Variants in P3H2 observed in about 807,000 individuals in gnomAD.
The protein encoded by P3H2 is leprecan-like 1.
Under a neutral mutation model 87.0 loss-of-function variants are expected in P3H2, and 80 were observed. That is an observed-to-expected ratio of 0.92 (90% CI 0.77 to 1.11). The LOEUF (loss-of-function observed/expected upper bound fraction) is 1.11. Ranked by LOEUF, P3H2 falls within the 50% of genes least tolerant of loss-of-function variation. P3H2 has a pLI of 0.00. For missense variants in P3H2, 1,001 were observed against 923.9 expected, an observed-to-expected ratio of 1.08 and a Z score of -1.08; for synonymous variants, 367 against 359.3, an observed-to-expected ratio of 1.02 and a Z score of -0.24.
At chr3:189,961,985 T>C (rs1444738919) in intron 14 of P3H2, among the ~76,000 whole-genome samples, 2 of 152,090 alleles carry the variant, frequency 1.3e-5, no homozygotes, top group East Asian at 1.9e-4. Flanking sequence ...CCCATTGACA[T>C]AGGTTCCTTA....
intron 1 of P3H2, among the ~76,000 whole-genome samples, chr3:190,007,781 A>G (rs748547968): frequency 6.7e-6 from 1 of 149,144 alleles, no homozygotes; most frequent in African/African-American, 2.5e-5. Flanking sequence ...TAAGAGTTAA[A>G]CACATTTCTT....
chr3:190,011,289 T>TA (rs1372536408), intron 1 of P3H2, among the ~76,000 whole-genome samples: 90 of 141,578 alleles, frequency 6.4e-4, no homozygotes, highest in African/African-American at 2.2e-3. Flanking sequence ...AAAAAAAAAA[T>TA]AGAGTTTCAT....
Position 190,074,209 on chromosome 3 carries a change from C to T in P3H2, c.480+46043G>A, listed in dbSNP as rs563560436. Reference sequence around the variant, plus strand: ...TATTCCAAAAATTGTGAATTTAAATCTAGAATACTATGATTCTTGGCCAGG... The same window carrying T: ...TATTCCAAAAATTGTGAATTTAAATTTAGAATACTATGATTCTTGGCCAGG... On this transcript the variant is annotated intron_variant, in intron 1 of 14. Coordinates refer to ENST00000319332, the MANE Select transcript of P3H2 (RefSeq NM_018192.4). 3.3e-5 allele frequency among the ~76,000 whole-genome samples: 5 copies of T among 152,236 alleles called. No homozygotes were observed. The South Asian group carries it at 6.2e-4, about 19-fold the overall frequency.
intron 1 of P3H2, among the ~76,000 whole-genome samples, chr3:190,064,449 G>A (rs539368022): frequency 8.5e-5 from 13 of 152,068 alleles, no homozygotes; most frequent in South Asian, 4.2e-4. Context: ...ATCTCATCAC[G>A]GTATGACTCT....
intron 1 of P3H2, among the ~76,000 whole-genome samples, chr3:190,078,641 T>C (rs150420928): frequency 1.5e-3 from 226 of 152,306 alleles, no homozygotes; most frequent in African/African-American, 5.1e-3. Context: ...GCATATATAT[T>C]CACAAACTGG....
intron 1 of P3H2, among the ~76,000 whole-genome samples, chr3:190,104,192 A>C (rs1036682004): frequency 1.3e-5 from 2 of 152,176 alleles, no homozygotes; most frequent in African/African-American, 4.8e-5. Flanking sequence ...TCATTCAAAG[A>C]TCATTTAGAA....
chr3:189,995,345 G>A lies in P3H2; in HGVS notation c.578C>T (p.Ala193Val), dbSNP rs780816013. ...CTGCAATGCTTCAACACCAGCTGTCGCCCTGTAATTCTCAATGTTCTGCTG... is the reference window on the plus strand; with the variant it reads ...CTGCAATGCTTCAACACCAGCTGTCACCCTGTAATTCTCAATGTTCTGCTG... Reference protein sequence around the residue: ...EMQQNIENYRATAGVEALQLV... With the variant: ...EMQQNIENYRVTAGVEALQLV... The change falls in exon 2 of 15, where the codon GCG becomes GTG. Residue 193 changes from alanine (A) to valine (V), a missense_variant. By Grantham distance (64) the Ala-to-Val change is moderately conservative (BLOSUM62 0). Coordinates refer to ENST00000319332, the MANE Select transcript of P3H2 (RefSeq NM_018192.4). 21 of 1,613,912 alleles carry A rather than the reference G, an allele frequency of 1.3e-5. No homozygotes were observed. The highest frequency in any genetic ancestry group is 3.3e-5 in the South Asian group (3 of 91,082).
chr3:190,051,778 C>A (rs1044697709), intron 1 of P3H2, among the ~76,000 whole-genome samples: 67 of 152,190 alleles, frequency 4.4e-4, no homozygotes, highest in Admixed American at 4.2e-3. Flanking sequence ...GGGTTAGGAT[C>A]CCCCAAGAAA....
chr3:190,019,516 T>C (rs971574368), intron 1 of P3H2, among the ~76,000 whole-genome samples: 4 of 152,146 alleles, frequency 2.6e-5, no homozygotes, highest in Non-Finnish European at 4.4e-5. Flanking sequence ...TGGATGCTGA[T>C]GACTGTCCCT....
intron 1 of P3H2, among the ~76,000 whole-genome samples, chr3:190,023,165 G>A (rs113519632): frequency 7.7e-4 from 118 of 152,278 alleles, no homozygotes; most frequent in African/African-American, 2.8e-3. Context: ...CCCAGGTGAA[G>A]CTGGTGCTGC....
At chr3:189,997,506 A>G (rs710563) in intron 1 of P3H2, among the ~76,000 whole-genome samples, 71,104 of 152,032 alleles carry the variant, frequency 0.47, 16,665 homozygotes, top group Admixed American at 0.48. Flanking sequence ...CTCAATTATT[A>G]AAAACTAGAA....
chr3:190,111,842 T>A (rs1230515999), intron 1 of P3H2, among the ~76,000 whole-genome samples: 1 of 152,174 alleles, frequency 6.6e-6, no homozygotes. Flanking sequence ...AGCCTCAATG[T>A]CACAATCACA....
intron 1 of P3H2, among the ~76,000 whole-genome samples, chr3:190,013,819 T>TA (rs1361981066): frequency 6.6e-6 from 1 of 152,152 alleles, no homozygotes; most frequent in South Asian, 2.1e-4. Flanking sequence ...GAAAATCAAT[T>TA]AAGATGTAAT....
In P3H2 at chr3:190,098,033, T is replaced by C. The variant is rs573706872; in HGVS notation, c.480+22219A>G. Among the ~76,000 whole-genome samples the C allele has an allele frequency of 3.0e-4, 46 of 152,212 alleles. 1 individual carries two copies. The highest frequency in any genetic ancestry group is 2.4e-3 in the Admixed American group (36 of 15,288). On this transcript the variant is annotated intron_variant, in intron 1 of 14. Transcript: ENST00000319332. ...AAGTAAAAATAAGCAATTACTGTGGTGAAAAATAAAAAAACATTTTATGAA... is the reference window on the plus strand; with the variant it reads ...AAGTAAAAATAAGCAATTACTGTGGCGAAAAATAAAAAAACATTTTATGAA...
intron 1 of P3H2, among the ~76,000 whole-genome samples, chr3:190,079,345 T>A (rs1484689728): frequency 1.2e-5 from 1 of 86,270 alleles, no homozygotes; most frequent in Admixed American, 9.8e-5. Context: ...TCTCAAAAAA[T>A]AAATAAATAA....
chr3:190,091,917 G>A (rs1454268265), intron 1 of P3H2, among the ~76,000 whole-genome samples: 1 of 152,188 alleles, frequency 6.6e-6, no homozygotes, highest in Non-Finnish European at 1.5e-5. Context: ...CATTAAATAA[G>A]TGGGGCCATG....
chr3:190,032,486 G>C (rs1197674401), intron 1 of P3H2, among the ~76,000 whole-genome samples: 1 of 152,132 alleles, frequency 6.6e-6, no homozygotes, highest in Non-Finnish European at 1.5e-5. Flanking sequence ...AGGAGGAAGA[G>C]AAGGATGAGA....
rs556743978 is a variant in P3H2, at chr3:190,004,528, G to A, written c.481-9086C>T. Among the ~76,000 whole-genome samples, 443 of 151,782 alleles carry A rather than the reference G, an allele frequency of 2.9e-3. 2 individuals are homozygous for A. The highest frequency in any genetic ancestry group is 7.0e-3 in the Admixed American group (106 of 15,234). On this transcript the variant is annotated intron_variant, in intron 1 of 14. Coordinates refer to ENST00000319332, the MANE Select transcript of P3H2 (RefSeq NM_018192.4). ...CTCCCGAGTAGCTGGGACTACAGGC[G>A]CCCGCCTCCACGCCCGGCTAATTTT... is the stretch of plus-strand genomic sequence containing the variant.
At chr3:190,087,968 A>G (rs1260501479) in intron 1 of P3H2, among the ~76,000 whole-genome samples, 1 of 152,210 alleles carries the variant, frequency 6.6e-6, no homozygotes, top group African/African-American at 2.4e-5. Context: ...CCTGAAAGTG[A>G]TTACTTTCTG....
Sources: gnomAD v4.1 joint callset for allele counts (sites outside exome capture counted in the v4.1 genomes callset) on GRCh38, gnomAD v4.1.1 for gene constraint, MANE v1.5 for transcripts, NCBI Gene and HGNC (gene_info 2026-07-23, HGNC 2026-07-21) for gene names.